The following ATP8A2 variants were observed in gnomAD, a reference collection of about 807,000 sequenced individuals.
The protein encoded by ATP8A2 is phospholipid-transporting ATPase IB.
ATP8A2 carries 100 observed loss-of-function variants against 165.6 expected under a neutral mutation model. The observed-to-expected ratio is 0.60, with a 90% CI of 0.51 to 0.71. The LOEUF is 0.71. Ranked by LOEUF, ATP8A2 falls within the 30% of genes least tolerant of loss-of-function variation. The pLI, the probability that ATP8A2 is intolerant of heterozygous loss-of-function variation, is 0.00. For missense variants in ATP8A2, 1,227 were observed against 1,479.5 expected (o/e 0.83, Z 2.80); for synonymous variants, 543 against 548.8 (o/e 0.99, Z 0.15).
intron 1 of ATP8A2, among the ~76,000 whole-genome samples, chr13:25,416,263 G>A (rs2034130494): frequency 6.6e-6 from 1 of 152,168 alleles, no homozygotes; most frequent in African/African-American, 2.4e-5. Flanking sequence ...ATAAACATTT[G>A]TTGAATGAAT....
chr13:25,991,231 A>C (rs1050561757), intron 35 of ATP8A2, among the ~76,000 whole-genome samples: 3 of 152,228 alleles, frequency 2.0e-5, no homozygotes, highest in African/African-American at 7.2e-5. Context: ...AAAAGGGAAT[A>C]GAAGGGAAGA....
chr13:25,860,130 T>C, intron 30 of ATP8A2, 65 bp from the exon 31 acceptor site: 1 of 1,052,060 alleles, frequency 9.5e-7, no homozygotes, highest in Non-Finnish European at 1.5e-6. Context: ...TGTTTAATGC[T>C]CTGAGTTAAA....
intron 1 of ATP8A2, among the ~76,000 whole-genome samples, chr13:25,399,616 A>G (rs1593255121): frequency 7.4e-6 from 1 of 134,558 alleles, no homozygotes; most frequent in East Asian, 2.3e-4. Flanking sequence ...TTTAGCCGGG[A>G]TGGTCTCGAT....
intron 27 of ATP8A2, among the ~76,000 whole-genome samples, chr13:25,780,328 A>G (rs1006174712): frequency 2.0e-5 from 3 of 152,192 alleles, no homozygotes; most frequent in Non-Finnish European, 4.4e-5. Context: ...AGTGGATATT[A>G]TATACAGCTT....
chr13:25,998,754 G>A (rs1956570292), intron 35 of ATP8A2, among the ~76,000 whole-genome samples: 1 of 152,172 alleles, frequency 6.6e-6, no homozygotes, highest in South Asian at 2.1e-4. Context: ...AACGGAATTT[G>A]TATTAGGGTT....
chr13:25,757,261 G>C lies in ATP8A2; in HGVS notation c.2385-11785G>C, dbSNP rs1396656353. Among the ~76,000 whole-genome samples the C allele has an allele frequency of 2.6e-5, 4 of 152,224 alleles. No homozygotes were observed. The East Asian group carries it at 7.7e-4, about 29-fold the overall frequency. Reference sequence around the variant, plus strand: ...TGCCACTGTGGGAGGATGGCCATAGGAGAAAAAGAAAAAGCATCGCTCCCT... The same window carrying C: ...TGCCACTGTGGGAGGATGGCCATAGCAGAAAAAGAAAAAGCATCGCTCCCT... On this transcript the variant is annotated intron_variant, in intron 25 of 36. Transcript: ENST00000381655.
chr13:25,837,931 G>A lies in ATP8A2; in HGVS notation c.2877+646G>A, dbSNP rs941341685. Among the ~76,000 whole-genome samples, 70 of 152,328 alleles carry A rather than the reference G, an allele frequency of 4.6e-4. 1 individual carries two copies. The highest frequency in any genetic ancestry group is 1.6e-3 in the African/African-American group (67 of 41,570). On this transcript the variant is annotated intron_variant, in intron 29 of 36. Coordinates refer to ENST00000381655, the MANE Select transcript of ATP8A2 (RefSeq NM_016529.6). ...GGGTCGTGCAGTCTCAGACAGCAGA[G>A]GGGTCTGCCACACAGATGTCATTTG...
intron 24 of ATP8A2, among the ~76,000 whole-genome samples, chr13:25,633,567 A>G (rs2041298866): frequency 6.6e-6 from 1 of 152,220 alleles, no homozygotes; most frequent in African/African-American, 2.4e-5. Context: ...CAACAAAATA[A>G]TTATAATGAC....
rs56069703 is a variant in ATP8A2, at chr13:25,637,092, C to CAA, written c.2211+47421_2211+47422dup. Among the ~76,000 whole-genome samples, 177 of 67,682 alleles carry CAA rather than the reference C, an allele frequency of 2.6e-3. 5 individuals are homozygous for CAA. The highest frequency in any genetic ancestry group is 9.3e-3 in the African/African-American group (163 of 17,536). 44.4% of individuals were successfully genotyped at this position (67,682 alleles called of 152,430 possible). A position where few individuals can be genotyped will look rare whatever the true frequency, so the allele number is the denominator to read the frequency against. On this transcript the variant is annotated intron_variant, in intron 24 of 36. Transcript: ENST00000381655. ...TGGGTGACAGAGCAAGACCCTGTCT[C>CAA]AAAAAAAAAAAAAAAAAAAAAAAAA...
At chr13:25,792,965 G>T (rs1434406527) in intron 27 of ATP8A2, among the ~76,000 whole-genome samples, 1 of 149,200 alleles carries the variant, frequency 6.7e-6, no homozygotes, top group Non-Finnish European at 1.5e-5. Flanking sequence ...AAGGAAGGAA[G>T]GAGAGGGGAG....
At chr13:25,530,726 G>C (rs528754728) in intron 4 of ATP8A2, 66 bp downstream of exon 4, 3 of 1,004,180 alleles carry the variant, frequency 3.0e-6, no homozygotes, top group African/African-American at 3.2e-5. Context: ...GTGTTGCCTC[G>C]GGTGATATAT....
intron 24 of ATP8A2, among the ~76,000 whole-genome samples, chr13:25,653,852 TACTC>T (rs1215018525): frequency 6.6e-6 from 1 of 152,110 alleles, no homozygotes; most frequent in Non-Finnish European, 1.5e-5. Flanking sequence ...AAGGTAGACT[TACTC>T]AGGATAGAGG....
In ATP8A2 at chr13:25,579,885, G is replaced by A; in HGVS notation, c.1945G>A (p.Ala649Thr). The A allele has an allele frequency of 6.2e-7, 1 of 1,614,066 alleles. No individual in the cohort carries two copies. Among genetic ancestry groups the A allele is most frequent in the Non-Finnish European group, 8.5e-7 (1 of 1,179,992 alleles). ...GGAGTGGCTGAAAGTCTATCAGGAA[G>A]CCAGCACCATATTGAAGGACAGAGC... is the stretch of plus-strand genomic sequence containing the variant. Reference protein sequence around the residue: ...YEEWLKVYQEASTILKDRAQR... With the variant: ...YEEWLKVYQETSTILKDRAQR... The change falls in exon 22 of 37, where the codon GCC (alanine) becomes ACC (threonine). Residue 649 changes from alanine to threonine, a missense_variant. Around this residue, in one of 5 missense-constraint regions of ATP8A2, gnomAD observed 592 missense variants for 785.6 expected, o/e 0.75. Coordinates refer to ENST00000381655, the MANE Select transcript of ATP8A2 (RefSeq NM_016529.6).
At chr13:25,485,894 G>A (rs1374436236) in intron 2 of ATP8A2, among the ~76,000 whole-genome samples, 1 of 152,144 alleles carries the variant, frequency 6.6e-6, no homozygotes, top group East Asian at 1.9e-4. Flanking sequence ...TGTTGGGAAA[G>A]AGTGAGTTTT....
chr13:25,731,702 A>G (rs1020021666), intron 25 of ATP8A2, among the ~76,000 whole-genome samples: 4 of 152,184 alleles, frequency 2.6e-5, no homozygotes, highest in East Asian at 1.9e-4. Flanking sequence ...CTCTTGGTTA[A>G]AAAAATAAGC....
rs1280557308 is a variant in ATP8A2 at position 25,950,627 on chromosome 13, A to G, written c.3184-10948A>G. ...AACACACCCCATTCTCTATGTCCTGAATGGAGAGGGAGTCTAGAGTTCTTG... is the reference window on the plus strand; with the variant it reads ...AACACACCCCATTCTCTATGTCCTGGATGGAGAGGGAGTCTAGAGTTCTTG... On this transcript the variant is annotated intron_variant, in intron 33 of 36. Transcript: ENST00000381655. The G allele has an allele frequency of 3.3e-5, 5 of 152,318 alleles. No individual in the cohort carries two copies. The East Asian group carries it at 9.7e-4, about 29-fold the overall frequency. 9.4% of individuals were successfully genotyped at this position (152,318 alleles called of 1,614,324 possible). A position where few individuals can be genotyped will look rare whatever the true frequency, so the allele number is the denominator to read the frequency against.
At chr13:25,818,820 C>T (rs772553144) in intron 27 of ATP8A2, among the ~76,000 whole-genome samples, 1 of 152,022 alleles carries the variant, frequency 6.6e-6, no homozygotes, top group Non-Finnish European at 1.5e-5. Flanking sequence ...CCTAGGTGTA[C>T]GATATTGAGT....
intron 27 of ATP8A2, among the ~76,000 whole-genome samples, chr13:25,806,543 T>C (rs1950744351): frequency 6.6e-6 from 1 of 151,852 alleles, no homozygotes; most frequent in Non-Finnish European, 1.5e-5. Context: ...TTCAACTTCA[T>C]GGAAAAGGGA....
intron 27 of ATP8A2, among the ~76,000 whole-genome samples, chr13:25,792,274 A>G (rs559406789): frequency 1.3e-4 from 20 of 152,364 alleles, no homozygotes; most frequent in African/African-American, 4.6e-4. Context: ...AGATGCAAAC[A>G]ATAAAATAAT....
Sources: gnomAD v4.1 joint callset for allele counts (sites outside exome capture counted in the v4.1 genomes callset) on GRCh38, gnomAD v4.1.1 for gene constraint, gnomAD v4.1.1 regional missense constraint, MANE v1.5 for transcripts, NCBI Gene and HGNC (gene_info 2026-07-23, HGNC 2026-07-21) for gene names.